The following CDK1 variants were observed in gnomAD, a reference collection of about 807,000 sequenced individuals.
CDK1 encodes cyclin-dependent kinase 1.
CDK1 carries 5 observed loss-of-function variants against 34.6 expected under a neutral mutation model. The ratio of observed to expected loss-of-function variants is 0.14; its 90% CI spans 0.08 to 0.30. The LOEUF is 0.30. Ranked by LOEUF, CDK1 falls within the 10% of genes least tolerant of loss-of-function variation. The probability of loss-of-function intolerance (pLI) is 1.00; values close to 1 mark genes in which losing one functional copy is unlikely to be tolerated. For missense variants in CDK1, 157 were observed against 345.7 expected (o/e 0.45, Z 4.33); for synonymous variants, 108 against 114.7 (o/e 0.94, Z 0.37).
chr10:60,779,048 G>A (rs2080249322), intron 1 of CDK1, among the ~76,000 whole-genome samples: 1 of 152,236 alleles, frequency 6.6e-6, no homozygotes, highest in Non-Finnish European at 1.5e-5. Context: ...AGGCCGCCCT[G>A]AGAAACCGAT....
Position 60,788,066 on chromosome 10 carries a change from T to A in CDK1, c.325T>A (p.Leu109Ile). The change falls in exon 5 of 8, where the codon TTA becomes ATA. Residue 109 changes from leucine (L) to isoleucine (I), a missense_variant. Around this residue, in one of 3 missense-constraint regions of CDK1, gnomAD observed 102 missense variants for 233.6 expected, o/e 0.44. Transcript: ENST00000395284. Reference sequence around the variant, plus strand: ...TTTTACTTGCTTTTTCCAGAGTTATTTATACCAAATCCTACAGGGGATTGT... The same window carrying A: ...TTTTACTTGCTTTTTCCAGAGTTATATATACCAAATCCTACAGGGGATTGT... ...YMDSSLVKSY[L>I]YQILQGIVFC... The A allele has an allele frequency of 2.8e-6, 4 of 1,436,718 alleles. No individual in the cohort carries two copies. Among genetic ancestry groups the A allele is most frequent in the Non-Finnish European group, 3.7e-6 (4 of 1,080,294 alleles). The allele number at this position is 1,436,718 out of a possible 1,614,324, so 89.0% of individuals were successfully genotyped here.
intron 2 of CDK1, chr10:60,783,503 TA>T (rs1462076377): frequency 6.6e-6 from 1 of 152,166 alleles, no homozygotes; most frequent in Non-Finnish European, 1.5e-5. Flanking sequence ...GAGAAACTCA[TA>T]AAAGCTATAG....
intron 2 of CDK1, among the ~76,000 whole-genome samples, chr10:60,780,659 A>G (rs2080265242): frequency 6.6e-6 from 1 of 152,198 alleles, no homozygotes; most frequent in Non-Finnish European, 1.5e-5. Flanking sequence ...TAAAATTTCT[A>G]TTTAGTTACC....
chr10:60,790,877 T>G (rs1194409038), intron 5 of CDK1, among the ~76,000 whole-genome samples: 1 of 152,194 alleles, frequency 6.6e-6, no homozygotes, highest in African/African-American at 2.4e-5. Flanking sequence ...TTTTGTTCTG[T>G]TGGTCTCTGC....
intron 4 of CDK1, chr10:60,787,736 C>T (rs184082935): frequency 2.6e-4 from 41 of 160,620 alleles, no homozygotes; most frequent in Non-Finnish European, 2.2e-4. Flanking sequence ...GAGTTGGTAG[C>T]GGTATATAGA....
chr10:60,786,160 A>T, intron 4 of CDK1: 1 of 905,076 alleles, frequency 1.1e-6, no homozygotes, highest in Non-Finnish European at 1.3e-6. Flanking sequence ...TTTATTGTAG[A>T]CATTTATTAT....
At chr10:60,786,776 A>T in intron 4 of CDK1, 1 of 715,016 alleles carries the variant, frequency 1.4e-6, no homozygotes, top group Non-Finnish European at 1.7e-6. Flanking sequence ...AGATTGTTTT[A>T]ATTTTATATT....
chr10:60,784,458 C>T (rs958724285), intron 2 of CDK1, among the ~76,000 whole-genome samples: 14 of 151,988 alleles, frequency 9.2e-5, no homozygotes, highest in Non-Finnish European at 2.1e-4. Flanking sequence ...GGTGAAACCC[C>T]ATCTCTACCA....
chr10:60,791,863 T>G lies in CDK1; in HGVS notation c.490-27T>G, dbSNP rs747175908. ...AGGTAATTTTATGCACCACATTTATTCATTGTAAAAATTTGCTTTTTAATA... is the reference window on the plus strand; with the variant it reads ...AGGTAATTTTATGCACCACATTTATGCATTGTAAAAATTTGCTTTTTAATA... On this transcript the variant is annotated intron_variant, in intron 5 of 7. Transcript: ENST00000395284. The G allele has an allele frequency of 9.9e-6, 14 of 1,408,082 alleles. No homozygotes were observed. The South Asian group carries it at 1.5e-4, about 15-fold the overall frequency. 87.2% of individuals were successfully genotyped at this position (1,408,082 alleles called of 1,614,324 possible). A position where few individuals can be genotyped will look rare whatever the true frequency, so the allele number is the denominator to read the frequency against.
chr10:60,784,962 C>G (rs1359728258), intron 3 of CDK1, 101 bp downstream of exon 3: 2 of 1,072,678 alleles, frequency 1.9e-6, no homozygotes, highest in African/African-American at 3.2e-5. Flanking sequence ...TTGGTCTAGC[C>G]TTACTGAGTG....
intron 7 of CDK1, among the ~76,000 whole-genome samples, chr10:60,793,041 G>A (rs2080372362): frequency 6.6e-6 from 1 of 152,092 alleles, no homozygotes; most frequent in African/African-American, 2.4e-5. Context: ...GATGGGCAAA[G>A]TCTATCCCAG....
At position 60,790,062 on chromosome 10, in the gene CDK1, T is replaced by C. The variant is rs555463218; in HGVS notation, c.490-1828T>C. On this transcript the variant is annotated intron_variant, in intron 5 of 7. Transcript: ENST00000395284. ...GTCTTTTGAGAAAGTTTTATTCAGA[T>C]TGTTTGACCATTTTTAAAATTGGAT... 1.2e-4 allele frequency among the ~76,000 whole-genome samples: 19 copies of C among 152,286 alleles called. 1 individual carries two copies. The highest frequency in any genetic ancestry group is 4.6e-4 in the African/African-American group (19 of 41,570).
At chr10:60,790,559 T>C (rs919777354) in intron 5 of CDK1, among the ~76,000 whole-genome samples, 2 of 152,192 alleles carry the variant, frequency 1.3e-5, no homozygotes, top group African/African-American at 4.8e-5. Flanking sequence ...ATTTGTCTAT[T>C]TTTGATTTTG....
At chr10:60,784,410 G>C (rs2080298233) in intron 2 of CDK1, among the ~76,000 whole-genome samples, 1 of 152,106 alleles carries the variant, frequency 6.6e-6, no homozygotes, top group South Asian at 2.1e-4. Flanking sequence ...CAGGTAGATT[G>C]CTTGAGCTCA....
chr10:60,782,810 A>G (rs555456109), intron 2 of CDK1, among the ~76,000 whole-genome samples: 6 of 152,258 alleles, frequency 3.9e-5, no homozygotes, highest in Middle Eastern at 3.4e-3. Flanking sequence ...ATGTATTTCA[A>G]AAATAATTTT....
chr10:60,786,924 G>T lies in CDK1; in HGVS notation c.319-1136G>T, dbSNP rs3213053. The T allele has an allele frequency of 1.9e-3, 1,871 of 982,196 alleles. 18 individuals are homozygous for T. In the African/African-American group the frequency reaches 0.031, roughly 16 times the overall value. The allele number at this position is 982,196 out of a possible 1,614,324, so 60.8% of individuals were successfully genotyped here. ...CTTAAGTCTTCCTCACTCAAAGATC[G>T]AATGTATTAGAATAATACATGTCAG... On this transcript the variant is annotated intron_variant, in intron 4 of 7. Coordinates refer to ENST00000395284, the MANE Select transcript of CDK1 (RefSeq NM_001786.5).
intron 1 of CDK1, among the ~76,000 whole-genome samples, chr10:60,779,712 A>G (rs897394656): frequency 2.0e-5 from 3 of 152,222 alleles, no homozygotes; most frequent in Non-Finnish European, 4.4e-5. Context: ...CATAACTTTA[A>G]AAAATAATGT....
chr10:60,787,930 A>G, intron 4 of CDK1, 130 bp from the exon 5 acceptor site: 1 of 484,206 alleles, frequency 2.1e-6, no homozygotes, highest in Non-Finnish European at 3.7e-6. Flanking sequence ...AATGCTTATT[A>G]GCCTAAAATG....
chr10:60,778,743 G>A (rs2080245155), intron 1 of CDK1, 173 bp downstream of exon 1: 1 of 152,748 alleles, frequency 6.5e-6, no homozygotes, highest in African/African-American at 2.4e-5. Flanking sequence ...CTGGCCGTGT[G>A]AGCCACACTG....
Sources: allele counts gnomAD v4.1 joint callset (sites outside exome capture counted in the v4.1 genomes callset), GRCh38; gene constraint gnomAD v4.1.1; regional missense constraint gnomAD v4.1.1; transcripts MANE v1.5; gene names NCBI Gene and HGNC (gene_info 2026-07-23, HGNC 2026-07-21).